The following TRPM6 variants were observed in gnomAD, a reference collection of about 807,000 sequenced individuals.
The protein encoded by TRPM6 is transient receptor potential cation channel subfamily M member 6.
TRPM6 carries 111 observed loss-of-function variants against 247.6 expected under a neutral mutation model. The observed-to-expected ratio is 0.45, with a 90% CI of 0.38 to 0.52. TRPM6 has a LOEUF of 0.52. Ranked by LOEUF, TRPM6 falls within the 20% of genes least tolerant of loss-of-function variation. The pLI, the probability that TRPM6 is intolerant of heterozygous loss-of-function variation, is 0.00. For synonymous variants in TRPM6, 892 were observed against 853.8 expected, an observed-to-expected ratio of 1.04 and a Z score of -0.78; for missense variants, 2,126 against 2,421.5, an observed-to-expected ratio of 0.88 and a Z score of 2.56.
chr9:74,724,808 C>A (rs965764077), intron 38 of TRPM6, 62 bp from the exon 39 acceptor site: 20 of 1,606,978 alleles, frequency 1.2e-5, no homozygotes, highest in Non-Finnish European at 1.6e-5. Context: ...TTCATGAAGA[C>A]AAATGGGACT....
chr9:74,855,066 T>C (rs745341203), intron 3 of TRPM6, among the ~76,000 whole-genome samples: 18 of 151,668 alleles, frequency 1.2e-4, no homozygotes, highest in African/African-American at 3.4e-4. Flanking sequence ...GAAAATTTCA[T>C]TTCCTTCTAC....
intron 1 of TRPM6, among the ~76,000 whole-genome samples, chr9:74,867,431 T>A (rs755396623): frequency 3.3e-5 from 5 of 152,138 alleles, no homozygotes; most frequent in African/African-American, 4.8e-5. Flanking sequence ...AATATACCAT[T>A]CCCCAGATGG....
intron 31 of TRPM6, among the ~76,000 whole-genome samples, chr9:74,745,966 G>A (rs1030469367): frequency 1.6e-4 from 24 of 152,210 alleles, no homozygotes; most frequent in Admixed American, 1.2e-3. Flanking sequence ...ATTATGGCCA[G>A]GCGCGGGGGC....
chr9:74,819,161 T>C (rs13293758), intron 9 of TRPM6, among the ~76,000 whole-genome samples: 7,841 of 151,916 alleles, frequency 0.052, 291 homozygotes, highest in Non-Finnish European at 0.065. Context: ...ATACAAAAAT[T>C]AGCCAGGCAT....
At chr9:74,751,168 T>C (rs1826231266) in intron 29 of TRPM6, among the ~76,000 whole-genome samples, 1 of 152,212 alleles carries the variant, frequency 6.6e-6, no homozygotes, top group Non-Finnish European at 1.5e-5. Flanking sequence ...ATGATGATTA[T>C]TTAAAATAAC....
At chr9:74,876,850 T>G (rs1287726071) in intron 1 of TRPM6, among the ~76,000 whole-genome samples, 1 of 152,208 alleles carries the variant, frequency 6.6e-6, no homozygotes, top group Non-Finnish European at 1.5e-5. Flanking sequence ...CATGAACCCT[T>G]AGAAACTGTA....
chr9:74,753,990 C>T (rs1439193240), intron 28 of TRPM6, among the ~76,000 whole-genome samples: 1 of 151,698 alleles, frequency 6.6e-6, no homozygotes, highest in Non-Finnish European at 1.5e-5. Context: ...GTTTGAAATT[C>T]GTTGGAAAGA....
At chr9:74,775,588 G>A (rs575178158) in intron 24 of TRPM6, among the ~76,000 whole-genome samples, 2 of 152,146 alleles carry the variant, frequency 1.3e-5, no homozygotes, top group Non-Finnish European at 2.9e-5. Flanking sequence ...TGAGTTCTCC[G>A]GTCAGCAGAG....
chr9:74,821,773 T>G lies in TRPM6; in HGVS notation c.906A>C (p.Ser302=), dbSNP rs771977074. The G allele has an allele frequency of 2.5e-6, 4 of 1,614,186 alleles. No homozygotes were observed. The highest frequency in any genetic ancestry group is 3.4e-6 in the Non-Finnish European group (4 of 1,180,036). The change falls in exon 8 of 39, where the codon TCA becomes TCC. Residue 302 remains serine, a synonymous_variant. Transcript: ENST00000360774. ...VVEGGPNVIL[S]VWETVKDKDP... ...CCTTGTCCTTGACAGTCTCCCACAC[T>G]GACAGGATGACGTTGGGACCGCCTT...
intron 1 of TRPM6, among the ~76,000 whole-genome samples, chr9:74,879,352 T>TAA (rs1260537132): frequency 1.3e-5 from 2 of 150,734 alleles, no homozygotes; most frequent in African/African-American, 4.9e-5. Context: ...CATATATATA[T>TAA]AACAAGGAAC....
At chr9:74,816,828 C>T in intron 10 of TRPM6, 59 bp from the exon 11 acceptor site, 1 of 1,610,158 alleles carries the variant, frequency 6.2e-7, no homozygotes, top group Non-Finnish European at 8.5e-7. Context: ...GCAAGAAGCA[C>T]AAAGTACTGT....
In TRPM6 at chr9:74,855,139, T is replaced by A. The variant is rs533757454; in HGVS notation, c.152+388A>T. ...AAATGCAAATCACTGTTAAAATTTG[T>A]ATTGCACTAAACAGCTTTTTGCCCA... On this transcript the variant is annotated intron_variant, in intron 3 of 38. Transcript: ENST00000360774. Among the ~76,000 whole-genome samples the A allele has an allele frequency of 4.6e-5, 7 of 152,384 alleles. No homozygotes were observed. The East Asian group carries it at 1.2e-3, about 25-fold the overall frequency.
rs1290827441 is a variant in TRPM6, at chr9:74,751,135, T to C, written c.4999-413A>G. Among the ~76,000 whole-genome samples, 6 of 152,236 alleles carry C rather than the reference T, an allele frequency of 3.9e-5. No individual in the cohort carries two copies. The East Asian group carries it at 1.2e-3, about 29-fold the overall frequency. On this transcript the variant is annotated intron_variant, in intron 29 of 38. Coordinates refer to ENST00000360774, the MANE Select transcript of TRPM6 (RefSeq NM_017662.5). ...CGGATCATCACATTGTTATGTCTTA[T>C]GAAAAGATTCTCATCTCAGGTCATG...
intron 19 of TRPM6, among the ~76,000 whole-genome samples, chr9:74,792,292 G>A (rs1306922096): frequency 2.6e-5 from 4 of 152,156 alleles, no homozygotes; most frequent in Admixed American, 6.5e-5. Context: ...TCTTTCCGTG[G>A]AAACTTCTCG....
intron 24 of TRPM6, 60 bp downstream of exon 24, chr9:74,775,823 A>G (rs1827197237): frequency 1.3e-6 from 2 of 1,557,088 alleles, no homozygotes; most frequent in Non-Finnish European, 1.8e-6. Flanking sequence ...ACTCCAGTGC[A>G]TCTTTGCCTT....
chr9:74,806,763 A>C (rs1456513564), intron 14 of TRPM6, among the ~76,000 whole-genome samples: 2 of 152,246 alleles, frequency 1.3e-5, no homozygotes, highest in African/African-American at 2.4e-5. Context: ...ACTAAAGAGC[A>C]AAATTGGAGG....
At chr9:74,779,209 G>A (rs1052908247) in intron 23 of TRPM6, among the ~76,000 whole-genome samples, 12 of 152,064 alleles carry the variant, frequency 7.9e-5, no homozygotes, top group East Asian at 3.9e-4. Flanking sequence ...CCAGGGAGGC[G>A]GAGGTTGCAG....
intron 22 of TRPM6, 101 bp downstream of exon 22, chr9:74,782,578 T>G: frequency 6.6e-7 from 1 of 1,508,522 alleles, no homozygotes; most frequent in East Asian, 2.3e-5. Flanking sequence ...TACCATAAAT[T>G]CAAACATTTT....
At chr9:74,849,267 C>A (rs1326978505) in intron 3 of TRPM6, among the ~76,000 whole-genome samples, 2 of 149,674 alleles carry the variant, frequency 1.3e-5, no homozygotes, top group African/African-American at 4.9e-5. Context: ...AGGAGAATCG[C>A]TTGAACCCAG....
Sources: gnomAD v4.1 joint callset for allele counts (sites outside exome capture counted in the v4.1 genomes callset) on GRCh38, gnomAD v4.1.1 for gene constraint, MANE v1.5 for transcripts, NCBI Gene and HGNC (gene_info 2026-07-23, HGNC 2026-07-21) for gene names.